RC3H2: variants seen among roughly 807,000 people sequenced by gnomAD.
RC3H2 encodes the protein ring finger and CCCH-type domains 2.
A neutral mutation model predicts 133.3 loss-of-function variants in RC3H2; 31 were observed. The observed-to-expected ratio is 0.23, with a 90% CI of 0.17 to 0.31. The LOEUF (loss-of-function observed/expected upper bound fraction) is 0.31. RC3H2 is among the 10% of genes least tolerant of loss of function. The pLI is 1.00. For synonymous variants in RC3H2, 517 were observed against 502.2 expected (o/e 1.03, Z -0.40); for missense variants, 1,175 against 1,437.2 (o/e 0.82, Z 2.95).
At chr9:122,853,534 T>C (rs1014864907) in intron 18 of RC3H2, among the ~76,000 whole-genome samples, 20 of 152,142 alleles carry the variant, frequency 1.3e-4, no homozygotes, top group Non-Finnish European at 2.2e-4. Flanking sequence ...AGCAGATCAC[T>C]TGAGGTCAGG....
At chr9:122,895,589 T>A (rs1267276052) in intron 2 of RC3H2, among the ~76,000 whole-genome samples, 1 of 152,202 alleles carries the variant, frequency 6.6e-6, no homozygotes, top group East Asian at 1.9e-4. Context: ...AGATACACTA[T>A]CAATTGTAGA....
In RC3H2 at chr9:122,846,686, T is replaced by A. The variant is rs1057047336; in HGVS notation, c.*2941A>T. The A allele has an allele frequency of 6.6e-6, 1 of 152,232 alleles. No homozygotes were observed. Among genetic ancestry groups the A allele is most frequent in the Admixed American group, 6.5e-5 (1 of 15,280 alleles). The allele number at this position is 152,232 out of a possible 1,614,324, so 9.4% of individuals were successfully genotyped here. A position where few individuals can be genotyped will look rare whatever the true frequency, so the allele number is the denominator to read the frequency against. On this transcript the variant is annotated 3_prime_UTR_variant, in exon 21 of 21. Transcript: ENST00000357244. ...ACAATAGGTAACATATGCAGTTTGGTTACCCACATTACACATTTCCTCTCT... is the reference window on the plus strand; with the variant it reads ...ACAATAGGTAACATATGCAGTTTGGATACCCACATTACACATTTCCTCTCT...
At position 122,858,207 on chromosome 9, in the gene RC3H2, G is replaced by A. The variant is rs1307366090; in HGVS notation, c.2284-114C>T. The A allele has an allele frequency of 6.3e-6, 6 of 957,004 alleles. No individual in the cohort carries two copies. In the East Asian group the frequency reaches 7.6e-5, roughly 12 times the overall value. The allele number at this position is 957,004 out of a possible 1,614,324, so 59.3% of individuals were successfully genotyped here. On this transcript the variant is annotated intron_variant, in intron 12 of 20. Transcript: ENST00000357244. ...ATTGTTGGGATAAAAAAATACAGCA[G>A]GGAAAGTCACCCTAGTCTATTCTCC...
chr9:122,876,360 GC>G (rs1201455942), intron 9 of RC3H2, among the ~76,000 whole-genome samples: 4 of 152,114 alleles, frequency 2.6e-5, no homozygotes, highest in African/African-American at 7.2e-5. Flanking sequence ...AGGTGTGGTG[GC>G]TCACGTCTGT....
rs553087923 is a variant in RC3H2 at position 122,868,745 on chromosome 9, T to A, written c.1326-3088A>T. ...ACACCCAAGAATGATCAATAAAAAATAAATAAATAAATAAATAAATAAAAA... is the reference window on the plus strand; with the variant it reads ...ACACCCAAGAATGATCAATAAAAAAAAAATAAATAAATAAATAAATAAAAA... On this transcript the variant is annotated intron_variant, in intron 9 of 20. Coordinates refer to ENST00000357244, the MANE Select transcript of RC3H2 (RefSeq NM_001100588.3). 2.0e-3 allele frequency among the ~76,000 whole-genome samples: 283 copies of A among 143,778 alleles called. 1 individual carries two copies. The highest frequency in any genetic ancestry group is 9.5e-3 in the Admixed American group (136 of 14,302). The allele number at this position is 143,778 out of a possible 152,430, so 94.3% of individuals were successfully genotyped here. A position where few individuals can be genotyped will look rare whatever the true frequency, so the allele number is the denominator to read the frequency against.
rs900476220 is a variant in RC3H2, at chr9:122,864,950, A to G, written c.1634+399T>C. On this transcript the variant is annotated intron_variant, in intron 10 of 20. Coordinates refer to ENST00000357244, the MANE Select transcript of RC3H2 (RefSeq NM_001100588.3). ...AGTGCTACACCTCATTACAGAGTAT[A>G]AAGTGAAAGCGCTCTGACTGAAACA... 2.6e-5 allele frequency among the ~76,000 whole-genome samples: 4 copies of G among 152,132 alleles called. No homozygotes were observed. In the South Asian group the frequency reaches 6.2e-4, roughly 24 times the overall value.
At position 122,860,039 on chromosome 9, in the gene RC3H2, G is replaced by A. The variant is rs776509817; in HGVS notation, c.1727C>T (p.Pro576Leu). ...SNVGTELNSV[P>L]QKSSPFLTRV... ...AGTTAGAAATGGGCTGGATTTTTGA[G>A]GCACAGAATTCAGCTCTGTTCCAAC... Residue 576 changes from proline (P) to leucine (L), a missense_variant, in exon 11 of 21, where the codon CCT (proline) becomes CTT (leucine). Physicochemically the swap from Pro to Leu is moderately conservative, Grantham distance 98. Around this residue, in one of 8 missense-constraint regions of RC3H2, gnomAD observed 490 missense variants for 492.8 expected, o/e 0.99. Transcript: ENST00000357244. The A allele has an allele frequency of 6.2e-7, 1 of 1,614,074 alleles. No homozygotes were observed. The highest frequency in any genetic ancestry group is 1.1e-5 in the South Asian group (1 of 91,078).
chr9:122,851,631 C>T (rs543651448), intron 18 of RC3H2, 195 bp from the exon 19 acceptor site: 188 of 683,412 alleles, frequency 2.8e-4, no homozygotes, highest in Middle Eastern at 1.3e-3. Flanking sequence ...AGAGTGCCTG[C>T]AATTGCAGGC....
chr9:122,885,640 C>T (rs1245879476), intron 4 of RC3H2, among the ~76,000 whole-genome samples: 2 of 152,128 alleles, frequency 1.3e-5, no homozygotes, highest in African/African-American at 4.8e-5. Context: ...GGTTTCTCTG[C>T]TGGCAAGGAC....
At chr9:122,902,378 CTGATTG>C (rs1832690999) in intron 1 of RC3H2, among the ~76,000 whole-genome samples, 1 of 152,192 alleles carries the variant, frequency 6.6e-6, no homozygotes, top group South Asian at 2.1e-4. Flanking sequence ...TTTAATTATT[CTGATTG>C]TAACAGGATA....
intron 9 of RC3H2, chr9:122,875,066 C>A: frequency 1.7e-6 from 2 of 1,178,360 alleles, no homozygotes; most frequent in South Asian, 2.7e-5. Flanking sequence ...CAGGTATGGA[C>A]AAGCTGAATG....
At chr9:122,880,312 G>T in intron 6 of RC3H2, 187 bp from the exon 7 acceptor site, 1 of 837,724 alleles carries the variant, frequency 1.2e-6, no homozygotes, top group Non-Finnish European at 2.0e-6. Context: ...TAGACACTTA[G>T]AAAACTTATA....
intron 20 of RC3H2, among the ~76,000 whole-genome samples, chr9:122,850,458 A>AGATAGATAGATAGATAG (rs1564279690): frequency 6.6e-6 from 1 of 151,644 alleles, no homozygotes; most frequent in African/African-American, 2.4e-5. Flanking sequence ...ATAGATAGAT[A>AGATAGATAGATAGATAG]ATTTTGAGAT....
chr9:122,901,427 A>C (rs1043109565), intron 1 of RC3H2, among the ~76,000 whole-genome samples: 2 of 152,188 alleles, frequency 1.3e-5, no homozygotes, highest in African/African-American at 2.4e-5. Context: ...GAAACTCAGT[A>C]CTGGAGAAAA....
At chr9:122,869,081 T>C (rs906926878) in intron 9 of RC3H2, among the ~76,000 whole-genome samples, 4 of 151,974 alleles carry the variant, frequency 2.6e-5, no homozygotes, top group African/African-American at 7.3e-5. Context: ...AACTTTTGTA[T>C]TTTTAGTAGA....
chr9:122,884,325 G>A (rs1831799434), intron 4 of RC3H2, among the ~76,000 whole-genome samples: 1 of 152,028 alleles, frequency 6.6e-6, no homozygotes, highest in African/African-American at 2.4e-5. Flanking sequence ...GAACTACTCT[G>A]ACAATGATAT....
chr9:122,854,310 G>T, intron 16 of RC3H2, 44 bp from the exon 17 acceptor site: 1 of 1,501,602 alleles, frequency 6.7e-7, no homozygotes. Context: ...TGAAGTGAAT[G>T]AAGCAACAAA....
At chr9:122,861,245 C>A (rs1464213989) in intron 10 of RC3H2, among the ~76,000 whole-genome samples, 6 of 152,006 alleles carry the variant, frequency 3.9e-5, no homozygotes, top group Admixed American at 1.3e-4. Context: ...AATCCTAGCA[C>A]TTTGGGAGGC....
intron 13 of RC3H2, among the ~76,000 whole-genome samples, chr9:122,856,885 A>ACAAGTGGCATCTAGCAAG (rs780570303): frequency 7.2e-5 from 11 of 152,340 alleles, no homozygotes; most frequent in Admixed American, 5.9e-4. Flanking sequence ...AAAAGAAAAT[A>ACAAGTGGCATCTAGCAAG]CAAGTGGCAT....
Sources: gnomAD v4.1 joint callset for allele counts (sites outside exome capture counted in the v4.1 genomes callset) on GRCh38, gnomAD v4.1.1 for gene constraint, gnomAD v4.1.1 regional missense constraint, MANE v1.5 for transcripts, NCBI Gene and HGNC (gene_info 2026-07-23, HGNC 2026-07-21) for gene names.